The following GNB5 variants were observed in gnomAD, a reference collection of about 807,000 sequenced individuals.
GNB5 encodes the protein guanine nucleotide-binding protein subunit beta-5.
A neutral mutation model predicts 55.3 loss-of-function variants in GNB5; 37 were observed. The observed-to-expected ratio is 0.67, with a 90% CI of 0.51 to 0.88. GNB5 has a LOEUF of 0.88. Among genes scored for constraint, GNB5 ranks in the 40% least tolerant of loss-of-function variants. The pLI is 0.00. For synonymous variants in GNB5, 219 were observed against 198.5 expected (o/e 1.10, Z -0.87); for missense variants, 476 against 515.3 (o/e 0.92, Z 0.74).
Position 52,135,893 on chromosome 15 carries a change from A to ACACCCC in GNB5, c.628-138_628-137insGGGGTG, listed in dbSNP as rs1431967062. The stretch of plus-strand genomic sequence containing the variant: ...CACACACACACACACACACACACAC[A>ACACCCC]CCCTACCTGCTGTATCTGGGTTCAT... On this transcript the variant is annotated intron_variant, in intron 7 of 12. Transcript: ENST00000261837. 8.6e-5 allele frequency: 58 copies of ACACCCC among 672,218 alleles called. 1 individual carries two copies. In the East Asian group the frequency reaches 9.9e-4, roughly 12 times the overall value. The allele number at this position is 672,218 out of a possible 1,614,324, so 41.6% of individuals were successfully genotyped here.
chr15:52,153,885 C>A (rs577814754), intron 4 of GNB5, 55 bp downstream of exon 4: 3 of 1,519,598 alleles, frequency 2.0e-6, no homozygotes, highest in East Asian at 2.3e-5. Flanking sequence ...CTCTCCTCCC[C>A]CTTAGCTATA....
rs963996963 is a variant in GNB5 at position 52,118,302 on chromosome 15, C to T, written c.*4455G>A. The stretch of plus-strand genomic sequence containing the variant: ...GCAAGATCCAGGGCCCCCGAGGGTC[C>T]CTGAGACCCTTTCAGGGGGTCCTCA... On this transcript the variant is annotated 3_prime_UTR_variant, in exon 13 of 13. Coordinates refer to ENST00000261837, the MANE Select transcript of GNB5 (RefSeq NM_016194.4). 6.6e-6 allele frequency: 1 copy of T among 152,156 alleles called. No homozygotes were observed. Among genetic ancestry groups the T allele is most frequent in the African/African-American group, 2.4e-5 (1 of 41,430 alleles). The allele number at this position is 152,156 out of a possible 1,614,324, so 9.4% of individuals were successfully genotyped here. A position where few individuals can be genotyped will look rare whatever the true frequency, so the allele number is the denominator to read the frequency against.
intron 5 of GNB5, chr15:52,149,465 C>G: frequency 2.4e-6 from 1 of 415,634 alleles, no homozygotes; most frequent in East Asian, 4.0e-5. Context: ...AGTCCCACTG[C>G]AGCCTCATCT....
chr15:52,127,205 C>G (rs1231574625), intron 10 of GNB5, among the ~76,000 whole-genome samples: 1 of 152,218 alleles, frequency 6.6e-6, no homozygotes, highest in Non-Finnish European at 1.5e-5. Context: ...ATCAACCCAA[C>G]CTCTGGGCAT....
Position 52,118,814 on chromosome 15 carries a change from A to G in GNB5, c.*3943T>C, listed in dbSNP as rs1394049675. On this transcript the variant is annotated 3_prime_UTR_variant, in exon 13 of 13. Transcript: ENST00000261837. The stretch of plus-strand genomic sequence containing the variant: ...AACCCAGGAGGCGGAGGTTGAAGTG[A>G]GCCCGAGATCGCGCCACTGCACTCC... 1 of 146,430 alleles carries G rather than the reference A, an allele frequency of 6.8e-6. No individual in the cohort carries two copies. Among genetic ancestry groups the G allele is most frequent in the Admixed American group, 7.1e-5 (1 of 14,108 alleles). 9.1% of individuals were successfully genotyped at this position (146,430 alleles called of 1,614,324 possible).
chr15:52,160,948 T>A (rs2034319072), intron 3 of GNB5, among the ~76,000 whole-genome samples: 1 of 152,232 alleles, frequency 6.6e-6, no homozygotes, highest in South Asian at 2.1e-4. Context: ...AAATTTCAAT[T>A]CGTGGAATTA....
chr15:52,122,786 G>T lies in GNB5; in HGVS notation c.1177-18C>A, dbSNP rs2033305325. On this transcript the variant is annotated intron_variant, in intron 12 of 12. Coordinates refer to ENST00000261837, the MANE Select transcript of GNB5 (RefSeq NM_016194.4). ...GCCCAGACCTGTGAAGACACAAACAGATAGTTTTTAGACCTTTGTAGTTAA... is the reference window on the plus strand; with the variant it reads ...GCCCAGACCTGTGAAGACACAAACATATAGTTTTTAGACCTTTGTAGTTAA... The T allele has an allele frequency of 6.3e-7, 1 of 1,598,852 alleles. No individual in the cohort carries two copies. The highest frequency in any genetic ancestry group is 2.2e-5 in the East Asian group (1 of 44,814).
chr15:52,175,950 G>A (rs1275410607), intron 3 of GNB5, among the ~76,000 whole-genome samples: 1 of 152,132 alleles, frequency 6.6e-6, no homozygotes, highest in Non-Finnish European at 1.5e-5. Flanking sequence ...TCAGGAGGCT[G>A]AGGCAGGAGA....
At chr15:52,127,797 T>C (rs1432450409) in intron 10 of GNB5, among the ~76,000 whole-genome samples, 1 of 144,366 alleles carries the variant, frequency 6.9e-6, no homozygotes, top group Non-Finnish European at 1.5e-5. Flanking sequence ...AAAACACTTA[T>C]AGTAGTGTTT....
At chr15:52,144,066 C>G (rs1720608731) in intron 6 of GNB5, 1 of 152,296 alleles carries the variant, frequency 6.6e-6, no homozygotes, top group African/African-American at 2.4e-5. Context: ...TGACAAAGAT[C>G]AGGGCGCCAG....
chr15:52,184,952 C>T (rs867098474), intron 1 of GNB5, among the ~76,000 whole-genome samples: 11 of 152,218 alleles, frequency 7.2e-5, no homozygotes, highest in African/African-American at 1.9e-4. Context: ...GGCAGACCTG[C>T]GTCAGGCAGG....
intron 6 of GNB5, among the ~76,000 whole-genome samples, chr15:52,143,717 G>A (rs74015612): frequency 5.3e-5 from 8 of 152,304 alleles, no homozygotes; most frequent in African/African-American, 1.9e-4. Context: ...TGTGGCATCG[G>A]TGTGGGTCTA....
At chr15:52,172,020 A>T (rs1391545692) in intron 3 of GNB5, among the ~76,000 whole-genome samples, 1 of 152,220 alleles carries the variant, frequency 6.6e-6, no homozygotes, top group Non-Finnish European at 1.5e-5. Context: ...TGTTGGCTGA[A>T]ATGAACACCA....
chr15:52,184,826 T>G lies in GNB5; in HGVS notation c.-18-132A>C, dbSNP rs2034821303. ...GTGGGATAGAGTATATGCAGTTAATTTATAACCTTTCAACTATTACAACAT... is the reference window on the plus strand; with the variant it reads ...GTGGGATAGAGTATATGCAGTTAATGTATAACCTTTCAACTATTACAACAT... On this transcript the variant is annotated intron_variant, in intron 1 of 12. Transcript: ENST00000261837. 66 of 627,814 alleles carry G rather than the reference T, an allele frequency of 1.1e-4. 2 individuals are homozygous for G. In the South Asian group the frequency reaches 1.3e-3, roughly 13 times the overall value. The allele number at this position is 627,814 out of a possible 1,614,324, so 38.9% of individuals were successfully genotyped here. A position where few individuals can be genotyped will look rare whatever the true frequency, so the allele number is the denominator to read the frequency against.
chr15:52,129,531 A>G (rs141240934), intron 9 of GNB5, among the ~76,000 whole-genome samples: 1 of 152,302 alleles, frequency 6.6e-6, no homozygotes, highest in East Asian at 1.9e-4. Context: ...TTTTGAAAGC[A>G]TTATGAATTC....
intron 7 of GNB5, among the ~76,000 whole-genome samples, chr15:52,136,162 A>G (rs2033713119): frequency 8.3e-6 from 1 of 120,756 alleles, no homozygotes; most frequent in Non-Finnish European, 1.8e-5. Context: ...ACACACACAC[A>G]CACACACACA....
At chr15:52,140,900 G>A (rs1264396549) in intron 7 of GNB5, among the ~76,000 whole-genome samples, 1 of 152,176 alleles carries the variant, frequency 6.6e-6, no homozygotes, top group African/African-American at 2.4e-5. Context: ...AAGTCAATCA[G>A]AGGAGGATTT....
rs2033281072 is a variant in GNB5, at chr15:52,121,972, T to C, written c.*785A>G. ...CTACTAATAGGTTTTTAAATAAGTT[T>C]ACTATCTTGTGTTCCCACACAGAAG... On this transcript the variant is annotated 3_prime_UTR_variant, in exon 13 of 13. Coordinates refer to ENST00000261837, the MANE Select transcript of GNB5 (RefSeq NM_016194.4). 6.6e-6 allele frequency: 1 copy of C among 152,234 alleles called. No homozygotes were observed. Among genetic ancestry groups the C allele is most frequent in the African/African-American group, 2.4e-5 (1 of 41,466 alleles). 9.4% of individuals were successfully genotyped at this position (152,234 alleles called of 1,614,324 possible).
chr15:52,149,724 A>G, intron 5 of GNB5, 160 bp downstream of exon 5: 1 of 710,402 alleles, frequency 1.4e-6, no homozygotes. Context: ...TGAGCTGTTC[A>G]AACACGGATA....
Sources: gnomAD v4.1 joint callset for allele counts (sites outside exome capture counted in the v4.1 genomes callset) on GRCh38, gnomAD v4.1.1 for gene constraint, MANE v1.5 for transcripts, NCBI Gene and HGNC (gene_info 2026-07-23, HGNC 2026-07-21) for gene names.